The following CNTN6 variants were observed in gnomAD, a reference collection of about 807,000 sequenced individuals.
The protein encoded by CNTN6 is contactin 6, also known as contactin-6.
A neutral mutation model predicts 122.8 loss-of-function variants in CNTN6; 137 were observed. The observed-to-expected ratio is 1.12, with a 90% confidence interval of 0.97 to 1.29. CNTN6 has a LOEUF of 1.29. Ranked by LOEUF, CNTN6 falls within the 50% of genes most tolerant of loss-of-function variation. CNTN6 has a pLI of 0.00. For missense variants in CNTN6, 1,634 were observed against 1,223.4 expected (o/e 1.34, Z -5.01); for synonymous variants, 570 against 426.0 (o/e 1.34, Z -4.16).
intron 7 of CNTN6, among the ~76,000 whole-genome samples, chr3:1,308,639 C>T (rs774091599): frequency 2.0e-5 from 3 of 151,646 alleles, no homozygotes; most frequent in African/African-American, 7.3e-5. Flanking sequence ...TTGTTGTCTC[C>T]GACTCTAATC....
chr3:1,357,784 A>G (rs763760625), intron 12 of CNTN6, among the ~76,000 whole-genome samples: 1 of 151,940 alleles, frequency 6.6e-6, no homozygotes, highest in Admixed American at 6.6e-5. Flanking sequence ...ACATTTTTAT[A>G]TGTAAAAATT....
chr3:1,148,828 A>G (rs1292776728), intron 2 of CNTN6, among the ~76,000 whole-genome samples: 1 of 152,126 alleles, frequency 6.6e-6, no homozygotes. Context: ...CTGAGACATG[A>G]CTAGTCTAGA....
chr3:1,143,520 C>T (rs2092659528), intron 1 of CNTN6, among the ~76,000 whole-genome samples: 1 of 152,078 alleles, frequency 6.6e-6, no homozygotes, highest in Admixed American at 6.6e-5. Flanking sequence ...AGAATTAATT[C>T]CTGTGGCTAT....
chr3:1,281,981 TATAC>T (rs1394539421), intron 5 of CNTN6, among the ~76,000 whole-genome samples: 3 of 99,500 alleles, frequency 3.0e-5, no homozygotes, highest in African/African-American at 8.9e-5. Context: ...TATATATAGG[TATAC>T]ACACACACAC....
chr3:1,119,795 G>A (rs574532894), intron 1 of CNTN6, among the ~76,000 whole-genome samples: 4 of 151,996 alleles, frequency 2.6e-5, no homozygotes, highest in African/African-American at 4.8e-5. Context: ...TTTGAAAAAC[G>A]TGTATGCCCA....
intron 3 of CNTN6, among the ~76,000 whole-genome samples, chr3:1,226,098 C>G (rs2094279782): frequency 6.6e-6 from 1 of 152,092 alleles, no homozygotes; most frequent in Non-Finnish European, 1.5e-5. Context: ...AGGCTCGTCT[C>G]AAACTCCTGG....
intron 5 of CNTN6, among the ~76,000 whole-genome samples, chr3:1,291,745 G>A: frequency 6.6e-6 from 1 of 152,136 alleles, no homozygotes; most frequent in South Asian, 2.1e-4. Flanking sequence ...GGTGGAGACA[G>A]CAACAGGCTT....
chr3:1,188,708 A>G (rs563045299), intron 2 of CNTN6, among the ~76,000 whole-genome samples: 6 of 152,386 alleles, frequency 3.9e-5, no homozygotes, highest in African/African-American at 1.2e-4. Context: ...CCAAAAATAC[A>G]GTGAAAAATC....
At chr3:1,158,879 CATAT>C (rs1210973817) in intron 2 of CNTN6, among the ~76,000 whole-genome samples, 4 of 80,444 alleles carry the variant, frequency 5.0e-5, no homozygotes, top group African/African-American at 1.7e-4. Context: ...TATATATACA[CATAT>C]ATACACACAT....
At position 1,380,385 on chromosome 3, in the gene CNTN6, T is replaced by C. The variant is rs1162954438; in HGVS notation, c.2167-2557T>C. On this transcript the variant is annotated intron_variant, in intron 17 of 22. Transcript: ENST00000446702. ...TTGATTTGGTTTGTTTCCAAAAACC[T>C]AGACATAATATCAAATTTTTAGAAT... Among the ~76,000 whole-genome samples the C allele has an allele frequency of 3.9e-5, 6 of 152,212 alleles. 1 individual carries two copies. The highest frequency in any genetic ancestry group is 3.9e-4 in the Admixed American group (6 of 15,282).
chr3:1,103,899 A>G (rs1422785285), intron 1 of CNTN6, among the ~76,000 whole-genome samples: 3 of 152,124 alleles, frequency 2.0e-5, no homozygotes, highest in Admixed American at 6.5e-5. Context: ...TTTTTTTTCT[A>G]CATGAAACGG....
intron 11 of CNTN6, among the ~76,000 whole-genome samples, chr3:1,343,706 C>G (rs558918022): frequency 6.6e-6 from 1 of 151,124 alleles, no homozygotes; most frequent in African/African-American, 2.4e-5. Flanking sequence ...ATGCTCTAGG[C>G]TCTCTCTCTC....
intron 2 of CNTN6, among the ~76,000 whole-genome samples, chr3:1,196,122 C>T (rs530671813): frequency 6.6e-6 from 1 of 152,288 alleles, no homozygotes; most frequent in African/African-American, 2.4e-5. Flanking sequence ...ACCTTGGTGA[C>T]TGAATCAGAA....
chr3:1,195,591 T>G (rs971896455), intron 2 of CNTN6, among the ~76,000 whole-genome samples: 6 of 152,228 alleles, frequency 3.9e-5, no homozygotes, highest in Non-Finnish European at 8.8e-5. Flanking sequence ...ACAGACATCT[T>G]TATAGTTAAT....
intron 12 of CNTN6, among the ~76,000 whole-genome samples, chr3:1,354,045 G>C (rs1303827029): frequency 1.3e-5 from 2 of 151,390 alleles, no homozygotes; most frequent in African/African-American, 4.8e-5. Flanking sequence ...TGAATGAATA[G>C]GCACTCTTCC....
At chr3:1,226,121 T>C (rs2094280173) in intron 3 of CNTN6, among the ~76,000 whole-genome samples, 1 of 152,120 alleles carries the variant, frequency 6.6e-6, no homozygotes, top group Non-Finnish European at 1.5e-5. Flanking sequence ...TCAAGCTATC[T>C]GCCCACCACG....
chr3:1,253,818 T>C (rs931305634), intron 4 of CNTN6, among the ~76,000 whole-genome samples: 1 of 152,154 alleles, frequency 6.6e-6, no homozygotes, highest in Non-Finnish European at 1.5e-5. Flanking sequence ...GATTTCTAAC[T>C]GTCTATGGCC....
chr3:1,157,606 T>C (rs2093004337), intron 2 of CNTN6, among the ~76,000 whole-genome samples: 1 of 152,164 alleles, frequency 6.6e-6, no homozygotes, highest in South Asian at 2.1e-4. Context: ...TTCTAACTTT[T>C]ATTTTGTACT....
chr3:1,215,874 G>A (rs1248387146), intron 2 of CNTN6, among the ~76,000 whole-genome samples: 1 of 152,038 alleles, frequency 6.6e-6, no homozygotes, highest in African/African-American at 2.4e-5. Flanking sequence ...TTGGAGACAG[G>A]ATTTATGGCG....
Sources: allele counts gnomAD v4.1 joint callset (sites outside exome capture counted in the v4.1 genomes callset), GRCh38; gene constraint gnomAD v4.1.1; transcripts MANE v1.5; gene names NCBI Gene and HGNC (gene_info 2026-07-23, HGNC 2026-07-21).